Variants in KCNIP4 observed in about 807,000 individuals in gnomAD.
KCNIP4 encodes potassium voltage-gated channel interacting protein 4.
A neutral mutation model predicts 34.0 loss-of-function variants in KCNIP4; 12 were observed. That is an observed-to-expected ratio of 0.35 (90% CI 0.23 to 0.57). The LOEUF (loss-of-function observed/expected upper bound fraction) is 0.57, where lower values mean the gene tolerates loss of function less well. KCNIP4 is among the 20% of genes least tolerant of loss of function. The pLI, the probability that KCNIP4 is intolerant of heterozygous loss-of-function variation, is 0.83. For synonymous variants in KCNIP4, 124 were observed against 102.2 expected, an observed-to-expected ratio of 1.21 and a Z score of -1.29; for missense variants, 238 against 311.7, an observed-to-expected ratio of 0.76 and a Z score of 1.78.
intron 1 of KCNIP4, among the ~76,000 whole-genome samples, chr4:21,263,595 TCTGTTCCTGCCA>T: frequency 6.6e-6 from 1 of 152,200 alleles, no homozygotes; most frequent in South Asian, 2.1e-4. Context: ...ACCACCACTT[TCTGTTCCTGCCA>T]GAGCCGGTGC....
intron 1 of KCNIP4, among the ~76,000 whole-genome samples, chr4:20,940,755 A>T (rs1731553674): frequency 6.6e-6 from 1 of 152,196 alleles, no homozygotes; most frequent in African/African-American, 2.4e-5. Context: ...TATTCTTATC[A>T]TTACTTCTTG....
chr4:20,815,307 T>G (rs965113626), intron 3 of KCNIP4, among the ~76,000 whole-genome samples: 2 of 152,190 alleles, frequency 1.3e-5, no homozygotes, highest in African/African-American at 4.8e-5. Context: ...TCTACCATAA[T>G]TATAGAGCAC....
At chr4:20,731,875 G>C (rs1234166496) in intron 8 of KCNIP4, 131 bp downstream of exon 8, 1 of 1,447,398 alleles carries the variant, frequency 6.9e-7, no homozygotes, top group African/African-American at 1.4e-5. Flanking sequence ...GGCTTATGCT[G>C]CATGTTGTAG....
chr4:21,335,765 C>T (rs760580598), intron 1 of KCNIP4, among the ~76,000 whole-genome samples: 33 of 152,116 alleles, frequency 2.2e-4, no homozygotes, highest in Non-Finnish European at 4.1e-4. Flanking sequence ...TGGAACTGCC[C>T]TCCAAACTAG....
intron 1 of KCNIP4, among the ~76,000 whole-genome samples, chr4:21,791,100 C>T (rs1287012455): frequency 1.3e-5 from 2 of 150,766 alleles, no homozygotes; most frequent in African/African-American, 4.9e-5. Flanking sequence ...TTATTATCAA[C>T]AGAAATGTAT....
At chr4:20,838,083 C>T (rs953005641) in intron 3 of KCNIP4, among the ~76,000 whole-genome samples, 1 of 152,090 alleles carries the variant, frequency 6.6e-6, no homozygotes, top group South Asian at 2.1e-4. Flanking sequence ...CTTATTACCA[C>T]CCTTGCATGG....
chr4:21,683,430 T>A (rs1401401196), intron 1 of KCNIP4, among the ~76,000 whole-genome samples: 2 of 143,952 alleles, frequency 1.4e-5, no homozygotes, highest in Non-Finnish European at 3.0e-5. Context: ...ATACGACTAA[T>A]GATTGGTGAA....
chr4:20,769,553 C>T (rs1431203205), intron 3 of KCNIP4, among the ~76,000 whole-genome samples: 2 of 152,172 alleles, frequency 1.3e-5, no homozygotes, highest in East Asian at 3.9e-4. Context: ...GGGACAAAGC[C>T]TATGTATCAG....
In KCNIP4 at chr4:21,013,804, C is replaced by T. The variant is rs115478245; in HGVS notation, c.62-131095G>A. On this transcript the variant is annotated intron_variant, in intron 1 of 8. Transcript: ENST00000382152. ...ATGAACAGAGACCAGAGTTCCAGTA[C>T]AAGATATAAAGAGACTTTGTTTTGA... Among the ~76,000 whole-genome samples, 986 of 152,240 alleles carry T rather than the reference C, an allele frequency of 6.5e-3. 10 individuals are homozygous for T. Among genetic ancestry groups the T allele is most frequent in the African/African-American group, 0.022 (922 of 41,528 alleles).
chr4:21,554,261 A>G (rs1293151214), intron 1 of KCNIP4, among the ~76,000 whole-genome samples: 1 of 152,102 alleles, frequency 6.6e-6, no homozygotes, highest in Admixed American at 6.6e-5. Context: ...GAAAGTCAAG[A>G]AAAATCAGAG....
intron 1 of KCNIP4, among the ~76,000 whole-genome samples, chr4:21,729,209 A>T (rs560811739): frequency 2.6e-3 from 394 of 152,290 alleles, no homozygotes; most frequent in Non-Finnish European, 4.1e-3. Flanking sequence ...AATAGGAATC[A>T]TTTGGGGTCT....
intron 1 of KCNIP4, among the ~76,000 whole-genome samples, chr4:20,962,540 T>C (rs1282681315): frequency 6.6e-6 from 1 of 152,214 alleles, no homozygotes; most frequent in Non-Finnish European, 1.5e-5. Flanking sequence ...ACAAGAGATG[T>C]TGTCAGGTAT....
intron 1 of KCNIP4, among the ~76,000 whole-genome samples, chr4:21,785,428 T>TA (rs1315500793): frequency 1.3e-4 from 19 of 151,904 alleles, no homozygotes; most frequent in African/African-American, 2.4e-4. Context: ...CTGCCTCTAC[T>TA]AAAAATACAA....
At chr4:21,541,276 T>C (rs1403561609) in intron 1 of KCNIP4, among the ~76,000 whole-genome samples, 1 of 151,580 alleles carries the variant, frequency 6.6e-6, no homozygotes. Flanking sequence ...TCAACCTGAG[T>C]TGGTACTGCA....
chr4:21,356,489 C>A (rs13146106), intron 1 of KCNIP4, among the ~76,000 whole-genome samples: 1 of 151,992 alleles, frequency 6.6e-6, no homozygotes, highest in South Asian at 2.1e-4. Context: ...AAAATCAGTG[C>A]GCAAAAATCA....
intron 1 of KCNIP4, among the ~76,000 whole-genome samples, chr4:21,870,457 A>G (rs1553940967): frequency 6.6e-6 from 1 of 152,196 alleles, no homozygotes; most frequent in Non-Finnish European, 1.5e-5. Flanking sequence ...ACACACCCCT[A>G]GGTGGAGATT....
chr4:20,836,277 A>C (rs1719030046), intron 3 of KCNIP4, among the ~76,000 whole-genome samples: 1 of 152,114 alleles, frequency 6.6e-6, no homozygotes, highest in South Asian at 2.1e-4. Context: ...AAATCCAATA[A>C]ACCCTTTCCT....
chr4:21,819,368 T>C (rs1049400677), intron 1 of KCNIP4, among the ~76,000 whole-genome samples: 1 of 152,214 alleles, frequency 6.6e-6, no homozygotes, highest in African/African-American at 2.4e-5. Context: ...GCCAGATTTC[T>C]TCAGTCTTCA....
chr4:21,678,305 A>ATTTTTTTTTTTTTT (rs59561334), intron 1 of KCNIP4, among the ~76,000 whole-genome samples: 9 of 117,596 alleles, frequency 7.7e-5, no homozygotes, highest in African/African-American at 9.6e-5. Flanking sequence ...TCTTCTTTTG[A>ATTTTTTTTTTTTTT]TTTTTTTTTT....
Sources: allele counts gnomAD v4.1 joint callset (sites outside exome capture counted in the v4.1 genomes callset), GRCh38; gene constraint gnomAD v4.1.1; transcripts MANE v1.5; gene names NCBI Gene and HGNC (gene_info 2026-07-23, HGNC 2026-07-21).